The following NFYC variants were observed in gnomAD, a reference collection of about 807,000 sequenced individuals.
NFYC encodes nuclear transcription factor Y subunit gamma.
A neutral mutation model predicts 53.1 loss-of-function variants in NFYC; 25 were observed. That is an observed-to-expected ratio of 0.47 (90% confidence interval 0.34 to 0.66). The LOEUF is 0.66. Among genes scored for constraint, NFYC ranks in the 30% least tolerant of loss-of-function variants. The pLI, the probability that NFYC is intolerant of heterozygous loss-of-function variation, is 0.01. For missense variants in NFYC, 260 were observed against 422.7 expected, an observed-to-expected ratio of 0.62 and a Z score of 3.38; for synonymous variants, 145 against 152.6, an observed-to-expected ratio of 0.95 and a Z score of 0.37.
At chr1:40,707,313 G>C (rs1386308698) in intron 1 of NFYC, among the ~76,000 whole-genome samples, 1 of 151,790 alleles carries the variant, frequency 6.6e-6, no homozygotes, top group Non-Finnish European at 1.5e-5. Context: ...GGCCACCATA[G>C]TCAAACCCTA....
chr1:40,770,818 C>G lies in NFYC; in HGVS notation c.998C>G (p.Thr333Ser). Residue 333 changes from threonine to serine, a missense_variant, in exon 10 of 10, where the codon ACC becomes AGC. Physicochemically the swap from Thr to Ser is moderately conservative, Grantham distance 58. Coordinates refer to ENST00000447388, the MANE Select transcript of NFYC (RefSeq NM_014223.5). This position sits in a 1 kb window ranked among gnomAD's most constrained non-coding sequence, Gnocchi z 5.3. ...QPSDGQAPQV[T>S]GD ...TCCGACGGGCAGGCCCCCCAGGTGA[C>G]CGGCGACTGAGGGCCTGAGCTGGCA... 3.1e-6 allele frequency: 5 copies of G among 1,609,176 alleles called. No individual in the cohort carries two copies. Among genetic ancestry groups the G allele is most frequent in the Non-Finnish European group, 4.2e-6 (5 of 1,179,976 alleles).
At chr1:40,717,970 A>G (rs1381221196) in intron 1 of NFYC, among the ~76,000 whole-genome samples, 2 of 152,230 alleles carry the variant, frequency 1.3e-5, no homozygotes, top group Non-Finnish European at 1.5e-5. Context: ...TAAGACACCT[A>G]TATTTAGTTT....
intron 8 of NFYC, chr1:40,767,359 T>C (rs3767951): frequency 0.23 from 56,817 of 249,714 alleles, 7,622 homozygotes; most frequent in East Asian, 0.4. Context: ...TCTGGCCCAG[T>C]TGCATTTCTG....
intron 2 of NFYC, among the ~76,000 whole-genome samples, chr1:40,745,501 A>G (rs868649954): frequency 1.3e-5 from 2 of 152,274 alleles, no homozygotes; most frequent in Non-Finnish European, 1.5e-5. Context: ...TCTGGCCCCA[A>G]CCCAGTATCC....
chr1:40,730,247 G>T (rs72659573), intron 1 of NFYC, among the ~76,000 whole-genome samples: 112 of 121,878 alleles, frequency 9.2e-4, no homozygotes, highest in Admixed American at 1.4e-3. Flanking sequence ...TCTCTGTGTT[G>T]CCAAGCTGGT....
In NFYC at chr1:40,770,782, C is replaced by A. The variant is rs748353371; in HGVS notation, c.962C>A (p.Ala321Asp). The change falls in exon 10 of 10, where the codon GCC (alanine) becomes GAC (aspartate). Residue 321 changes from alanine to aspartate, a missense_variant. Transcript: ENST00000447388. The surrounding 1 kb of genome is among the most constrained non-coding windows in gnomAD (Gnocchi z 5.3). Reference protein sequence around the residue: ...DLAQPMFIQSANQPSDGQAPQ... With the variant: ...DLAQPMFIQSDNQPSDGQAPQ... ...GCCCAGCCCATGTTCATCCAGTCAG[C>A]CAACCAGCCCTCCGACGGGCAGGCC... The A allele has an allele frequency of 6.2e-7, 1 of 1,613,004 alleles. No individual in the cohort carries two copies.
rs1557961959 is a variant in NFYC, at chr1:40,771,513, C to CT, written c.*689dup. On this transcript the variant is annotated 3_prime_UTR_variant, in exon 10 of 10. Transcript: ENST00000447388. ...CTTTGTGTGTTTGCTGCCCACCTCC[C>CT]TTTTATTTTTTAAATGCATTAAAAA... 2.2e-6 allele frequency: 1 copy of CT among 453,726 alleles called. No individual in the cohort carries two copies. Among genetic ancestry groups the CT allele is most frequent in the Non-Finnish European group, 4.5e-6 (1 of 219,846 alleles). The allele number at this position is 453,726 out of a possible 1,614,324, so 28.1% of individuals were successfully genotyped here.
intron 6 of NFYC, among the ~76,000 whole-genome samples, chr1:40,758,792 A>G (rs1646373538): frequency 6.6e-6 from 1 of 152,110 alleles, no homozygotes; most frequent in Non-Finnish European, 1.5e-5. Context: ...TTCTCTCCCC[A>G]GTAGTAGTGT....
At chr1:40,758,389 C>G in intron 6 of NFYC, 95 bp downstream of exon 6, 1 of 1,297,370 alleles carries the variant, frequency 7.7e-7, no homozygotes, top group Admixed American at 2.8e-5. Flanking sequence ...GCAGCCAGAT[C>G]ATTATAGAGC....
chr1:40,759,302 A>T (rs1646407830), intron 6 of NFYC, among the ~76,000 whole-genome samples: 1 of 151,522 alleles, frequency 6.6e-6, no homozygotes, highest in Admixed American at 6.6e-5. Context: ...TGGGAGGCCG[A>T]GGCAGGAGGA....
Position 40,770,831 on chromosome 1 carries a change from G to C in NFYC, c.*3G>C. Reference sequence around the variant, plus strand: ...CCCCCCAGGTGACCGGCGACTGAGGGCCTGAGCTGGCAAGGCCAAGGACAC... The same window carrying C: ...CCCCCCAGGTGACCGGCGACTGAGGCCCTGAGCTGGCAAGGCCAAGGACAC... On this transcript the variant is annotated 3_prime_UTR_variant, in exon 10 of 10. Transcript: ENST00000447388. The surrounding 1 kb of genome is among the most constrained non-coding windows in gnomAD (Gnocchi z 5.3). The C allele has an allele frequency of 5.6e-6, 9 of 1,607,058 alleles. No individual in the cohort carries two copies. The highest frequency in any genetic ancestry group is 7.6e-6 in the Non-Finnish European group (9 of 1,179,926).
At chr1:40,749,515 A>G in intron 3 of NFYC, 58 bp from the exon 4 acceptor site, 1 of 1,374,854 alleles carries the variant, frequency 7.3e-7, no homozygotes, top group South Asian at 1.2e-5. Flanking sequence ...GAGGCAAGAG[A>G]CAGACTGGTT....
rs1210126997 is a variant in NFYC, at chr1:40,770,433, A to G, written c.889-276A>G. ...GCAGCAAGCTCGAGTCTCTGAGCTA[A>G]CGGGAGAGGCAGAGCCCAGAGAAGT... On this transcript the variant is annotated intron_variant, in intron 9 of 9. Coordinates refer to ENST00000447388, the MANE Select transcript of NFYC (RefSeq NM_014223.5). The surrounding 1 kb of genome is among the most constrained non-coding windows in gnomAD (Gnocchi z 5.3). 1 of 1,550,270 alleles carries G rather than the reference A, an allele frequency of 6.5e-7. No homozygotes were observed. The highest frequency in any genetic ancestry group is 1.2e-5 in the South Asian group (1 of 84,044).
intron 1 of NFYC, among the ~76,000 whole-genome samples, chr1:40,720,281 C>A (rs1293155805): frequency 6.6e-6 from 1 of 152,178 alleles, no homozygotes; most frequent in African/African-American, 2.4e-5. Context: ...TATTATAACG[C>A]CCTCTAGGTT....
chr1:40,769,662 C>T (rs1487799037), intron 9 of NFYC, among the ~76,000 whole-genome samples: 1 of 152,134 alleles, frequency 6.6e-6, no homozygotes, highest in Non-Finnish European at 1.5e-5. Flanking sequence ...GTAAACTGAA[C>T]CCTGGAGATG....
chr1:40,728,983 T>C (rs1292060950), intron 1 of NFYC, among the ~76,000 whole-genome samples: 1 of 152,194 alleles, frequency 6.6e-6, no homozygotes, highest in Admixed American at 6.5e-5. Context: ...TGAGCAGTAA[T>C]ATTTTCAAAG....
chr1:40,764,304 A>G (rs756501934), intron 7 of NFYC, among the ~76,000 whole-genome samples: 9 of 152,180 alleles, frequency 5.9e-5, no homozygotes, highest in African/African-American at 9.7e-5. Context: ...GTATCCTGAG[A>G]TCAGTTTAGG....
intron 1 of NFYC, among the ~76,000 whole-genome samples, chr1:40,707,787 C>T (rs1416187936): frequency 6.7e-6 from 1 of 148,356 alleles, no homozygotes; most frequent in Non-Finnish European, 1.5e-5. Flanking sequence ...TGCAGTAAGC[C>T]GAGATCGTGC....
At chr1:40,763,398 G>A (rs1445624963) in intron 7 of NFYC, 1 of 454,770 alleles carries the variant, frequency 2.2e-6, no homozygotes, top group Non-Finnish European at 4.4e-6. Context: ...GACTGATGAA[G>A]TGCAGTGGCT....
Sources: gnomAD v4.1 joint callset for allele counts (sites outside exome capture counted in the v4.1 genomes callset) on GRCh38, gnomAD v4.1.1 for gene constraint, Gnocchi (gnomAD v3.1) non-coding constraint, MANE v1.5 for transcripts, NCBI Gene and HGNC (gene_info 2026-07-23, HGNC 2026-07-21) for gene names.